Variants in LRBA observed in about 807,000 individuals in gnomAD.
The protein encoded by LRBA is lipopolysaccharide-responsive and beige-like anchor protein.
A neutral mutation model predicts 330.0 loss-of-function variants in LRBA; 176 were observed. The ratio of observed to expected loss-of-function variants is 0.53; its 90% confidence interval spans 0.47 to 0.60. The LOEUF (loss-of-function observed/expected upper bound fraction) is 0.60, where lower values mean the gene tolerates loss of function less well. LRBA is among the 20% of genes least tolerant of loss of function. The probability of loss-of-function intolerance (pLI) is 0.00; values close to 1 mark genes in which losing one functional copy is unlikely to be tolerated. For missense variants in LRBA, 3,259 were observed against 3,444.8 expected (o/e 0.95, Z 1.35); for synonymous variants, 1,230 against 1,193.0 (o/e 1.03, Z -0.64).
intron 44 of LRBA, among the ~76,000 whole-genome samples, chr4:150,445,613 C>A (rs1471390032): frequency 6.6e-6 from 1 of 151,758 alleles, no homozygotes; most frequent in Non-Finnish European, 1.5e-5. Flanking sequence ...TTATTTTATT[C>A]TGTTTTAGAC....
chr4:150,592,595 AG>A (rs1292885048), intron 38 of LRBA, among the ~76,000 whole-genome samples: 1 of 152,124 alleles, frequency 6.6e-6, no homozygotes, highest in African/African-American at 2.4e-5. Context: ...ATGTTTGAAA[AG>A]ATTACTTTAG....
At chr4:150,288,378 T>A (rs6842890) in intron 53 of LRBA, among the ~76,000 whole-genome samples, 1 of 151,914 alleles carries the variant, frequency 6.6e-6, no homozygotes, top group African/African-American at 2.4e-5. Context: ...GAGGCCAAGG[T>A]GGGCAGATCA....
intron 2 of LRBA, among the ~76,000 whole-genome samples, chr4:150,930,466 C>CCCTA (rs1157266845): frequency 1.3e-5 from 2 of 151,926 alleles, no homozygotes; most frequent in African/African-American, 2.4e-5. Flanking sequence ...GAGCTCCAGC[C>CCCTA]TAGGCAACAG....
chr4:150,578,656 A>C (rs914211272), intron 40 of LRBA, among the ~76,000 whole-genome samples: 2 of 152,240 alleles, frequency 1.3e-5, no homozygotes, highest in African/African-American at 4.8e-5. Flanking sequence ...TTTCAGACTA[A>C]AGTTTTAAAC....
intron 45 of LRBA, 86 bp downstream of exon 45, chr4:150,436,638 A>C (rs1299884612): frequency 3.5e-6 from 4 of 1,140,524 alleles, no homozygotes; most frequent in Non-Finnish European, 3.7e-6. Context: ...GTATTCAAAA[A>C]AATATGCTTA....
rs544983411 is a variant in LRBA at position 150,795,322 on chromosome 4, T to C, written c.5580+2759A>G. ...AGGTTTATACACATATACAACAAATTTGGCACACAAGTAAGTTGCATGTTT... is the reference window on the plus strand; with the variant it reads ...AGGTTTATACACATATACAACAAATCTGGCACACAAGTAAGTTGCATGTTT... On this transcript the variant is annotated intron_variant, in intron 34 of 56. Coordinates refer to ENST00000651943, the MANE Select transcript of LRBA (RefSeq NM_001364905.1). 7.2e-5 allele frequency among the ~76,000 whole-genome samples: 11 copies of C among 152,198 alleles called. No homozygotes were observed. In the East Asian group the frequency reaches 2.1e-3, roughly 29 times the overall value.
At chr4:150,489,305 T>TATATACGAATATATATTAC (rs1561250686) in intron 41 of LRBA, among the ~76,000 whole-genome samples, 2 of 62,380 alleles carry the variant, frequency 3.2e-5, no homozygotes, top group East Asian at 4.7e-4. Context: ...TAATATATTA[T>TATATACGAATATATATTAC]ATATAAGAAT....
Position 150,908,758 on chromosome 4 carries a change from A to T in LRBA, c.1261T>A (p.Tyr421Asn). 6.2e-7 allele frequency: 1 copy of T among 1,613,804 alleles called. No homozygotes were observed. The highest frequency in any genetic ancestry group is 8.5e-7 in the Non-Finnish European group (1 of 1,179,686). Residue 421 changes from tyrosine (Y) to asparagine (N), a missense_variant, in exon 10 of 57, where the codon TAC (tyrosine) becomes AAC (asparagine). Coordinates refer to ENST00000651943, the MANE Select transcript of LRBA (RefSeq NM_001364905.1). ...GKLSSAIAFT[Y>N]NPRATDAQLC... ...TGGGCATCTGTAGCCCGTGGATTGT[A>T]CGTGAATGCAATGGCACTAGAGAGT...
At chr4:150,867,515 C>G (rs72719659) in intron 22 of LRBA, among the ~76,000 whole-genome samples, 156 bp downstream of exon 22, 167 of 152,192 alleles carry the variant, frequency 1.1e-3, no homozygotes, top group Non-Finnish European at 1.7e-3. Context: ...TGCTTTATTT[C>G]TATTGATAAT....
intron 2 of LRBA, among the ~76,000 whole-genome samples, chr4:150,982,202 T>G (rs1348339924): frequency 2.0e-5 from 3 of 152,164 alleles, no homozygotes; most frequent in Non-Finnish European, 4.4e-5. Context: ...ATGATCGATC[T>G]GGTCTTCAAG....
At chr4:150,451,024 T>C (rs571399238) in intron 44 of LRBA, among the ~76,000 whole-genome samples, 1 of 152,118 alleles carries the variant, frequency 6.6e-6, no homozygotes, top group Non-Finnish European at 1.5e-5. Context: ...GGCAAGACTC[T>C]GTCTCAAAAA....
At chr4:150,622,938 C>T (rs28552576) in intron 37 of LRBA, among the ~76,000 whole-genome samples, 212 of 152,112 alleles carry the variant, frequency 1.4e-3, no homozygotes, top group African/African-American at 4.9e-3. Context: ...ACCTCGTGAT[C>T]CACCCGCCTC....
chr4:150,375,646 G>C (rs1479839423), intron 47 of LRBA, among the ~76,000 whole-genome samples: 1 of 136,996 alleles, frequency 7.3e-6, no homozygotes, highest in Non-Finnish European at 1.6e-5. Flanking sequence ...TGAATTTTTA[G>C]TAGAGACGGG....
In LRBA at chr4:150,906,260, A is replaced by G. The variant is rs778720303; in HGVS notation, c.1602+37T>C. On this transcript the variant is annotated intron_variant, in intron 12 of 56. Coordinates refer to ENST00000651943, the MANE Select transcript of LRBA (RefSeq NM_001364905.1). The stretch of plus-strand genomic sequence containing the variant: ...TAGAGAACAAATGTATGGCCTGTAA[A>G]TTAAGAATCAAAAACATAAAATATT... 4 of 1,324,224 alleles carry G rather than the reference A, an allele frequency of 3.0e-6. No individual in the cohort carries two copies. In the South Asian group the frequency reaches 5.0e-5, roughly 16 times the overall value. The allele number at this position is 1,324,224 out of a possible 1,614,324, so 82.0% of individuals were successfully genotyped here.
At chr4:150,749,257 A>G (rs1733196958) in intron 35 of LRBA, among the ~76,000 whole-genome samples, 1 of 152,112 alleles carries the variant, frequency 6.6e-6, no homozygotes, top group Non-Finnish European at 1.5e-5. Context: ...GAAAAAAAAA[A>G]TAGATAAACT....
At chr4:150,821,144 A>G (rs1745375478) in intron 30 of LRBA, among the ~76,000 whole-genome samples, 1 of 152,140 alleles carries the variant, frequency 6.6e-6, no homozygotes, top group African/African-American at 2.4e-5. Context: ...GGAACTTTTT[A>G]TATCTACATC....
Position 150,528,587 on chromosome 4 carries a change from A to G in LRBA, c.6331-37552T>C, listed in dbSNP as rs994246089. On this transcript the variant is annotated intron_variant, in intron 40 of 56. Transcript: ENST00000651943. Reference sequence around the variant, plus strand: ...AAGGTCTTAAGTTTTTTTAAATAGCAGCATAAGCCCACCCCCTCTCCCTTT... The same window carrying G: ...AAGGTCTTAAGTTTTTTTAAATAGCGGCATAAGCCCACCCCCTCTCCCTTT... Among the ~76,000 whole-genome samples the G allele has an allele frequency of 3.3e-5, 5 of 152,132 alleles. No homozygotes were observed. The East Asian group carries it at 7.7e-4, about 23-fold the overall frequency.
At chr4:150,661,769 C>A (rs927861299) in intron 37 of LRBA, among the ~76,000 whole-genome samples, 1 of 151,766 alleles carries the variant, frequency 6.6e-6, no homozygotes, top group Non-Finnish European at 1.5e-5. Context: ...CACCATCACA[C>A]CTAGTTAATT....
chr4:150,275,433 C>G (rs1038384753), intron 56 of LRBA, among the ~76,000 whole-genome samples: 4 of 152,034 alleles, frequency 2.6e-5, no homozygotes, highest in African/African-American at 9.7e-5. Flanking sequence ...CTGGCCAGGG[C>G]AATCAGGCAA....
Sources: allele counts gnomAD v4.1 joint callset (sites outside exome capture counted in the v4.1 genomes callset), GRCh38; gene constraint gnomAD v4.1.1; transcripts MANE v1.5; gene names NCBI Gene and HGNC (gene_info 2026-07-23, HGNC 2026-07-21).